The following IL15 variants were observed in gnomAD, a reference collection of about 807,000 sequenced individuals.
The protein encoded by IL15 is interleukin-15.
Under a neutral mutation model 19.6 loss-of-function variants are expected in IL15, and 11 were observed. The ratio of observed to expected loss-of-function variants is 0.56; its 90% CI spans 0.35 to 0.93. The LOEUF (loss-of-function observed/expected upper bound fraction) is 0.93. Among genes scored for constraint, IL15 ranks in the 40% least tolerant of loss-of-function variants. IL15 has a pLI of 0.01. For synonymous variants in IL15, 58 were observed against 59.6 expected, an observed-to-expected ratio of 0.97 and a Z score of 0.12; for missense variants, 197 against 186.5, an observed-to-expected ratio of 1.06 and a Z score of -0.33.
chr4:141,685,533 GA>G (rs932485133), intron 2 of IL15, among the ~76,000 whole-genome samples: 9 of 151,754 alleles, frequency 5.9e-5, no homozygotes, highest in African/African-American at 1.2e-4. Context: ...CTCCCTCATG[GA>G]AAAAAAGGTA....
At chr4:141,721,267 T>C (rs1730066441) in intron 4 of IL15, 1 of 705,160 alleles carries the variant, frequency 1.4e-6, no homozygotes, top group Admixed American at 2.0e-5. Context: ...TTCCTCAAGC[T>C]CTAAGCATCA....
intron 2 of IL15, among the ~76,000 whole-genome samples, chr4:141,690,027 G>A (rs908847557): frequency 5.9e-5 from 9 of 152,214 alleles, no homozygotes; most frequent in Non-Finnish European, 8.8e-5. Context: ...AAGGCCCGGC[G>A]AGAAATCGAG....
At chr4:141,646,354 T>G (rs910241575) in intron 1 of IL15, among the ~76,000 whole-genome samples, 2 of 152,078 alleles carry the variant, frequency 1.3e-5, no homozygotes, top group African/African-American at 4.8e-5. Flanking sequence ...CACTGGCACC[T>G]TTTCTATTCA....
At chr4:141,731,274 G>GC (rs1255840803) in intron 7 of IL15, among the ~76,000 whole-genome samples, 3 of 151,980 alleles carry the variant, frequency 2.0e-5, no homozygotes, top group Non-Finnish European at 2.9e-5. Context: ...TCCCATATCT[G>GC]GAATATGATA....
At chr4:141,673,463 T>C (rs536508629) in intron 2 of IL15, among the ~76,000 whole-genome samples, 2 of 152,324 alleles carry the variant, frequency 1.3e-5, no homozygotes, top group South Asian at 4.1e-4. Context: ...ATCTCAATTA[T>C]GCCTTTGGTA....
intron 2 of IL15, among the ~76,000 whole-genome samples, chr4:141,656,866 A>C (rs1727623537): frequency 6.6e-6 from 1 of 152,254 alleles, no homozygotes; most frequent in Admixed American, 6.5e-5. Flanking sequence ...AAGATAATGT[A>C]GATTAGATTT....
chr4:141,639,363 A>T (rs894453924), intron 1 of IL15, among the ~76,000 whole-genome samples: 3 of 152,214 alleles, frequency 2.0e-5, no homozygotes, highest in Non-Finnish European at 2.9e-5. Context: ...TGCAATTGAC[A>T]TTATTATATA....
chr4:141,657,697 A>G (rs1053970766), intron 2 of IL15, among the ~76,000 whole-genome samples: 1 of 152,092 alleles, frequency 6.6e-6, no homozygotes, highest in African/African-American at 2.4e-5. Context: ...TTTCTCCTCC[A>G]CGTCCTATCT....
intron 4 of IL15, 54 bp from the exon 5 acceptor site, chr4:141,721,870 C>A: frequency 7.0e-7 from 1 of 1,430,694 alleles, no homozygotes; most frequent in South Asian, 1.3e-5. Context: ...TTATAGTATT[C>A]ATCAAGATGA....
chr4:141,687,571 T>C (rs1315677324), intron 2 of IL15, among the ~76,000 whole-genome samples: 2 of 152,208 alleles, frequency 1.3e-5, no homozygotes, highest in East Asian at 1.9e-4. Context: ...TCAACTCCAT[T>C]AATTCCATGG....
At chr4:141,710,667 T>G (rs1729687641) in intron 2 of IL15, among the ~76,000 whole-genome samples, 1 of 152,130 alleles carries the variant, frequency 6.6e-6, no homozygotes, top group South Asian at 2.1e-4. Context: ...TTCTTTTTTT[T>G]CTTCTCTCTT....
chr4:141,670,625 A>C (rs1728140811), intron 2 of IL15, among the ~76,000 whole-genome samples: 2 of 152,190 alleles, frequency 1.3e-5, no homozygotes, highest in Admixed American at 1.3e-4. Flanking sequence ...ATTTATAGAA[A>C]TATTCAATAT....
At chr4:141,639,034 T>C (rs1405343818) in intron 1 of IL15, among the ~76,000 whole-genome samples, 1 of 152,230 alleles carries the variant, frequency 6.6e-6, no homozygotes, top group Non-Finnish European at 1.5e-5. Context: ...AGAAACAGTA[T>C]GAATAATAAC....
At chr4:141,690,041 A>G (rs1429934895) in intron 2 of IL15, among the ~76,000 whole-genome samples, 1 of 152,132 alleles carries the variant, frequency 6.6e-6, no homozygotes, top group African/African-American at 2.4e-5. Context: ...AATCGAGCAC[A>G]GCGCTGGTGG....
At chr4:141,696,408 T>C (rs1015970005) in intron 2 of IL15, among the ~76,000 whole-genome samples, 1 of 152,086 alleles carries the variant, frequency 6.6e-6, no homozygotes, top group Non-Finnish European at 1.5e-5. Context: ...TTTGGCTATT[T>C]GGGGTGTTTA....
chr4:141,719,216 T>C (rs1215846398), intron 2 of IL15, 150 bp from the exon 3 acceptor site: 2 of 355,980 alleles, frequency 5.6e-6, no homozygotes, highest in Non-Finnish European at 1.0e-5. Flanking sequence ...CCTTCCTCCA[T>C]ACCATTATTG....
At chr4:141,669,281 T>C (rs1728093244) in intron 2 of IL15, among the ~76,000 whole-genome samples, 1 of 152,178 alleles carries the variant, frequency 6.6e-6, no homozygotes, top group Admixed American at 6.5e-5. Flanking sequence ...TGAAAGTGCC[T>C]GGAATTTAGA....
intron 7 of IL15, among the ~76,000 whole-genome samples, chr4:141,732,127 T>C (rs1053949752): frequency 3.3e-5 from 5 of 152,180 alleles, no homozygotes; most frequent in Non-Finnish European, 7.3e-5. Flanking sequence ...GAGAGAGGTC[T>C]AAATAAGGGG....
At chr4:141,708,670 A>T (rs972278172) in intron 2 of IL15, among the ~76,000 whole-genome samples, 7 of 152,138 alleles carry the variant, frequency 4.6e-5, no homozygotes, top group Admixed American at 4.6e-4. Context: ...TTGTGGCAGA[A>T]GTGGATTACT....
Sources: allele counts gnomAD v4.1 joint callset (sites outside exome capture counted in the v4.1 genomes callset), GRCh38; gene constraint gnomAD v4.1.1; transcripts MANE v1.5; gene names NCBI Gene and HGNC (gene_info 2026-07-23, HGNC 2026-07-21).